The following KDM5B variants were observed in gnomAD, a reference collection of about 807,000 sequenced individuals.
KDM5B encodes the protein lysine demethylase 5B.
In KDM5B, 144 loss-of-function variants were observed where a neutral mutation model predicts 193.4. The observed-to-expected ratio is 0.74, with a 90% confidence interval of 0.65 to 0.86. The LOEUF (loss-of-function observed/expected upper bound fraction) is 0.86, where lower values mean the gene tolerates loss of function less well. Ranked by LOEUF, KDM5B falls within the 40% of genes least tolerant of loss-of-function variation. KDM5B has a pLI of 0.00. For synonymous variants in KDM5B, 668 were observed against 682.6 expected, an observed-to-expected ratio of 0.98 and a Z score of 0.33; for missense variants, 1,833 against 1,886.9, an observed-to-expected ratio of 0.97 and a Z score of 0.53.
chr1:202,788,028 T>G (rs1181096335), intron 1 of KDM5B, among the ~76,000 whole-genome samples: 3 of 152,302 alleles, frequency 2.0e-5, no homozygotes, highest in Admixed American at 2.0e-4. Flanking sequence ...TGGAAGTAAC[T>G]GCCCTATTGA....
At chr1:202,797,836 C>A (rs1276927995) in intron 1 of KDM5B, among the ~76,000 whole-genome samples, 1 of 152,234 alleles carries the variant, frequency 6.6e-6, no homozygotes, top group Non-Finnish European at 1.5e-5. Context: ...AATGCACCTG[C>A]AAATTTTCTG....
In KDM5B at chr1:202,757,108, T is replaced by C. The variant is rs1656046658; in HGVS notation, c.1198-592A>G. The stretch of plus-strand genomic sequence containing the variant: ...AAGGGCTGGGAGGTGGGGGGGGGAT[T>C]AGATTCTCATAAGGAACATGCAACC... On this transcript the variant is annotated intron_variant, in intron 9 of 26. Transcript: ENST00000367265. 3.3e-5 allele frequency among the ~76,000 whole-genome samples: 5 copies of C among 151,754 alleles called. No homozygotes were observed. The South Asian group carries it at 8.3e-4, about 25-fold the overall frequency.
chr1:202,771,601 G>T (rs1481039023), intron 4 of KDM5B, among the ~76,000 whole-genome samples: 1 of 140,808 alleles, frequency 7.1e-6, no homozygotes, highest in East Asian at 2.2e-4. Flanking sequence ...TATTTTTTTT[G>T]AGAAGAGTCT....
chr1:202,803,810 C>A, intron 1 of KDM5B, among the ~76,000 whole-genome samples: 1 of 148,642 alleles, frequency 6.7e-6, no homozygotes, highest in African/African-American at 2.5e-5. Context: ...GCAACAACAG[C>A]AAAACTCCAT....
intron 4 of KDM5B, 73 bp from the exon 5 acceptor site, chr1:202,767,133 C>CA (rs1427299645): frequency 1.1e-5 from 17 of 1,594,026 alleles, no homozygotes; most frequent in Non-Finnish European, 1.5e-5. Flanking sequence ...ACAAACATAT[C>CA]TAGCATGCCA....
intron 7 of KDM5B, among the ~76,000 whole-genome samples, chr1:202,761,433 A>G (rs777070618): frequency 1.3e-5 from 2 of 152,192 alleles, no homozygotes; most frequent in African/African-American, 2.4e-5. Context: ...TAAAAAAATA[A>G]AAATAAACTA....
intron 12 of KDM5B, among the ~76,000 whole-genome samples, chr1:202,752,265 C>A (rs562735023): frequency 3.9e-5 from 6 of 152,282 alleles, no homozygotes; most frequent in South Asian, 4.1e-4. Context: ...GATTATAATA[C>A]CATATTTTCA....
intron 12 of KDM5B, among the ~76,000 whole-genome samples, chr1:202,751,130 C>T (rs1558491719): frequency 6.6e-6 from 1 of 152,112 alleles, no homozygotes; most frequent in Non-Finnish European, 1.5e-5. Context: ...AGCAATCCCA[C>T]TCTATTTCAA....
chr1:202,735,469 A>G lies in KDM5B; in HGVS notation c.3383T>C (p.Leu1128Pro). 1 of 1,614,110 alleles carries G rather than the reference A, an allele frequency of 6.2e-7. No homozygotes were observed. Residue 1128 changes from leucine (L) to proline (P), a missense_variant, in exon 22 of 27, where the codon CTG becomes CCG. Transcript: ENST00000367265. ...CTTGCTTTCAGTTAAAGCTCTCTCC[A>G]GGTCACTCAGACTCTCTAATTTGGT... is the stretch of plus-strand genomic sequence containing the variant. ...KSTKLESLSD[L>P]ERALTESKET...
intron 1 of KDM5B, among the ~76,000 whole-genome samples, chr1:202,802,631 G>A (rs991778892): frequency 1.4e-4 from 22 of 152,036 alleles, no homozygotes; most frequent in Non-Finnish European, 2.8e-4. Flanking sequence ...GACCTCAAGC[G>A]ATCCGCCCAC....
intron 10 of KDM5B, among the ~76,000 whole-genome samples, chr1:202,755,915 C>A (rs1042038941): frequency 6.6e-6 from 1 of 151,030 alleles, no homozygotes; most frequent in Non-Finnish European, 1.5e-5. Flanking sequence ...GGAAATTCAT[C>A]AGTCTGTATA....
At chr1:202,763,413 T>A (rs1656328908) in intron 6 of KDM5B, among the ~76,000 whole-genome samples, 1 of 152,210 alleles carries the variant, frequency 6.6e-6, no homozygotes. Flanking sequence ...TAAGGTTACA[T>A]AACTAGTTAG....
chr1:202,797,702 G>A (rs995610292), intron 1 of KDM5B, among the ~76,000 whole-genome samples: 10 of 152,182 alleles, frequency 6.6e-5, no homozygotes, highest in East Asian at 1.9e-4. Flanking sequence ...TTCTATTTGC[G>A]TGGCTTCCAC....
chr1:202,729,200 GT>G, intron 26 of KDM5B, 27 bp from the exon 27 acceptor site: 1 of 1,613,360 alleles, frequency 6.2e-7, no homozygotes, highest in Non-Finnish European at 8.5e-7. Context: ...GGAAGATGGG[GT>G]TTTCAGAGGA....
intron 4 of KDM5B, 189 bp from the exon 5 acceptor site, chr1:202,767,249 G>A (rs879499455): frequency 8.0e-5 from 127 of 1,590,604 alleles, no homozygotes; most frequent in Middle Eastern, 1.9e-4. Flanking sequence ...AGCAGTTGGT[G>A]TCTTACTACA....
intron 16 of KDM5B, among the ~76,000 whole-genome samples, chr1:202,743,344 A>C (rs1357183016): frequency 2.8e-5 from 1 of 35,810 alleles, no homozygotes; most frequent in Non-Finnish European, 1.5e-4. Context: ...CTCAAAAAAA[A>C]AAAAAAAAAA....
In KDM5B at chr1:202,746,503, C is replaced by T. The variant is rs539981413; in HGVS notation, c.2017-180G>A. On this transcript the variant is annotated intron_variant, in intron 14 of 26. Coordinates refer to ENST00000367265, the MANE Select transcript of KDM5B (RefSeq NM_006618.5). ...ATGACCTAGCAAATACAGGCAAGTT[C>T]ATTTGTCTAGGGAGATCTCCTTTTT... The T allele has an allele frequency of 5.9e-6, 3 of 505,160 alleles. No homozygotes were observed. The Admixed American group carries it at 1.1e-4, about 18-fold the overall frequency. 31.3% of individuals were successfully genotyped at this position (505,160 alleles called of 1,614,324 possible).
At chr1:202,750,152 G>C (rs1473466662) in intron 13 of KDM5B, among the ~76,000 whole-genome samples, 1 of 152,182 alleles carries the variant, frequency 6.6e-6, no homozygotes, top group African/African-American at 2.4e-5. Flanking sequence ...GCTGAACTAA[G>C]CAGTATGCTT....
intron 24 of KDM5B, among the ~76,000 whole-genome samples, chr1:202,731,423 G>A (rs1654879638): frequency 6.6e-6 from 1 of 152,152 alleles, no homozygotes; most frequent in South Asian, 2.1e-4. Flanking sequence ...GTAGATCAAG[G>A]AGCTCTAACC....
Sources: allele counts gnomAD v4.1 joint callset (sites outside exome capture counted in the v4.1 genomes callset), GRCh38; gene constraint gnomAD v4.1.1; transcripts MANE v1.5; gene names NCBI Gene and HGNC (gene_info 2026-07-23, HGNC 2026-07-21).